SCAPER: variants seen among roughly 807,000 people sequenced by gnomAD.
SCAPER encodes the protein S-phase cyclin A associated protein in the ER.
In SCAPER, 98 loss-of-function variants were observed where a neutral mutation model predicts 182.2. That is an observed-to-expected ratio of 0.54 (90% confidence interval 0.46 to 0.64). SCAPER has a LOEUF of 0.64. Ranked by LOEUF, SCAPER falls within the 30% of genes least tolerant of loss-of-function variation. The probability of loss-of-function intolerance (pLI) is 0.00; values close to 1 mark genes in which losing one functional copy is unlikely to be tolerated. For synonymous variants in SCAPER, 605 were observed against 564.6 expected (o/e 1.07, Z -1.01); for missense variants, 1,432 against 1,690.0 (o/e 0.85, Z 2.68).
In SCAPER at chr15:76,530,768, C is replaced by T. The variant is rs2043588881; in HGVS notation, c.2839-25794G>A. Among the ~76,000 whole-genome samples, 2 of 151,894 alleles carry T rather than the reference C, an allele frequency of 1.3e-5. 1 individual carries two copies. ...GCACCATGGTTCACAAAACAATTTACAGTGCTGAGGAAGGAAAAAGCGAAA... is the reference window on the plus strand; with the variant it reads ...GCACCATGGTTCACAAAACAATTTATAGTGCTGAGGAAGGAAAAAGCGAAA... On this transcript the variant is annotated intron_variant, in intron 23 of 31. Transcript: ENST00000563290.
chr15:76,607,716 C>T (rs901497210), intron 22 of SCAPER, among the ~76,000 whole-genome samples: 2 of 152,048 alleles, frequency 1.3e-5, no homozygotes, highest in African/African-American at 2.4e-5. Context: ...TTGTTCATTT[C>T]TTTTTACTCT....
At chr15:76,538,276 T>C (rs1266782777) in intron 23 of SCAPER, among the ~76,000 whole-genome samples, 6 of 149,798 alleles carry the variant, frequency 4.0e-5, no homozygotes, top group Non-Finnish European at 1.5e-5. Context: ...TGTATGTTTA[T>C]TGTGGCACTA....
intron 20 of SCAPER, among the ~76,000 whole-genome samples, chr15:76,678,721 G>C (rs2057512342): frequency 6.6e-6 from 1 of 151,928 alleles, no homozygotes; most frequent in Admixed American, 6.6e-5. Flanking sequence ...ATAAAAGAGG[G>C]AAAAATAAAG....
At chr15:76,653,463 A>G (rs867595624) in intron 21 of SCAPER, among the ~76,000 whole-genome samples, 1 of 152,226 alleles carries the variant, frequency 6.6e-6, no homozygotes, top group East Asian at 1.9e-4. Context: ...ACTTCAAGCT[A>G]TACTATAAAG....
At chr15:76,477,676 T>TA (rs2050766166) in intron 24 of SCAPER, among the ~76,000 whole-genome samples, 1 of 152,152 alleles carries the variant, frequency 6.6e-6, no homozygotes, top group African/African-American at 2.4e-5. Flanking sequence ...TTAAAGCAAA[T>TA]ATTTACCAAT....
intron 2 of SCAPER, among the ~76,000 whole-genome samples, chr15:76,870,513 T>G (rs1252068133): frequency 1.3e-5 from 2 of 151,972 alleles, no homozygotes; most frequent in East Asian, 3.9e-4. Context: ...AAAGTAACTC[T>G]AATTAATATG....
chr15:76,788,928 AG>A (rs1598742410), intron 8 of SCAPER, among the ~76,000 whole-genome samples: 1 of 152,172 alleles, frequency 6.6e-6, no homozygotes, highest in Non-Finnish European at 1.5e-5. Context: ...CAGCCTTCTG[AG>A]TAGCTGGGAC....
intron 17 of SCAPER, among the ~76,000 whole-genome samples, chr15:76,708,199 T>A (rs954764722): frequency 1.3e-5 from 2 of 152,138 alleles, no homozygotes; most frequent in Admixed American, 6.6e-5. Flanking sequence ...CCTAATACAA[T>A]ATGAATGTTA....
At chr15:76,506,101 G>A (rs534564434) in intron 23 of SCAPER, among the ~76,000 whole-genome samples, 14 of 152,182 alleles carry the variant, frequency 9.2e-5, no homozygotes, top group Middle Eastern at 3.4e-3. Flanking sequence ...AGACTGAGAA[G>A]GGTAGTGGGG....
intron 21 of SCAPER, among the ~76,000 whole-genome samples, chr15:76,652,429 A>G (rs2055226339): frequency 9.6e-6 from 1 of 104,576 alleles, no homozygotes; most frequent in African/African-American, 3.8e-5. Context: ...AGGCAGGTGG[A>G]TCACTTGAGG....
intron 4 of SCAPER, among the ~76,000 whole-genome samples, chr15:76,852,233 C>T (rs1361408993): frequency 6.6e-6 from 1 of 152,176 alleles, no homozygotes; most frequent in Non-Finnish European, 1.5e-5. Flanking sequence ...GACTCCCACA[C>T]AATAAGAGTG....
chr15:76,473,871 C>T (rs2050403343), intron 24 of SCAPER, among the ~76,000 whole-genome samples: 1 of 152,184 alleles, frequency 6.6e-6, no homozygotes, highest in South Asian at 2.1e-4. Flanking sequence ...AGAACAATCT[C>T]GGCTCACTGC....
chr15:76,898,816 A>C (rs565785647), intron 1 of SCAPER, among the ~76,000 whole-genome samples: 3 of 152,244 alleles, frequency 2.0e-5, no homozygotes, highest in Non-Finnish European at 4.4e-5. Context: ...TGGGATACTG[A>C]AAATGTTCTA....
intron 8 of SCAPER, among the ~76,000 whole-genome samples, chr15:76,794,683 T>C (rs1346757764): frequency 6.6e-6 from 1 of 152,308 alleles, no homozygotes; most frequent in East Asian, 1.9e-4. Flanking sequence ...CCTATTATCA[T>C]TCTAAAATCC....
intron 5 of SCAPER, among the ~76,000 whole-genome samples, chr15:76,834,305 AC>A (rs1299745523): frequency 1.3e-5 from 2 of 152,212 alleles, no homozygotes; most frequent in African/African-American, 2.4e-5. Flanking sequence ...ACTAATAAAA[AC>A]AAAGAAACAA....
At chr15:76,855,023 C>T (rs1357731893) in intron 4 of SCAPER, among the ~76,000 whole-genome samples, 4 of 151,588 alleles carry the variant, frequency 2.6e-5, no homozygotes, top group Non-Finnish European at 5.9e-5. Flanking sequence ...TACCCAACTT[C>T]AAACTATGCT....
chr15:76,444,632 A>G (rs1018487000), intron 25 of SCAPER, among the ~76,000 whole-genome samples: 1 of 152,186 alleles, frequency 6.6e-6, no homozygotes, highest in African/African-American at 2.4e-5. Flanking sequence ...ATCTTTTGCC[A>G]AATTTGGGAC....
rs1441837995 is a variant in SCAPER, at chr15:76,572,909, T to TCACACACACACA, written c.2838+1248_2838+1249insTGTGTGTGTGTG. On this transcript the variant is annotated intron_variant, in intron 23 of 31. Transcript: ENST00000563290. Reference sequence around the variant, plus strand: ...CGTGCACTCTCTCTCTCTCTCTCTCTCTCTCTCTCTCACACACACACACAC... The same window carrying TCACACACACACA: ...CGTGCACTCTCTCTCTCTCTCTCTCTCACACACACACACTCTCTCTCTCACACACACACACAC... Among the ~76,000 whole-genome samples, 6 of 52,174 alleles carry TCACACACACACA rather than the reference T, an allele frequency of 1.2e-4. No individual in the cohort carries two copies. The Admixed American group carries it at 1.7e-3, about 15-fold the overall frequency. The allele number at this position is 52,174 out of a possible 152,430, so 34.2% of individuals were successfully genotyped here. A position where few individuals can be genotyped will look rare whatever the true frequency, so the allele number is the denominator to read the frequency against.
chr15:76,420,031 A>C (rs1423558889), intron 26 of SCAPER, among the ~76,000 whole-genome samples: 2 of 152,174 alleles, frequency 1.3e-5, no homozygotes, highest in Non-Finnish European at 2.9e-5. Context: ...AAGAAAGACA[A>C]AAACCTTATG....
Sources: gnomAD v4.1 joint callset for allele counts (sites outside exome capture counted in the v4.1 genomes callset) on GRCh38, gnomAD v4.1.1 for gene constraint, MANE v1.5 for transcripts, NCBI Gene and HGNC (gene_info 2026-07-23, HGNC 2026-07-21) for gene names.